The following CCNB1 variants were observed in gnomAD, a reference collection of about 807,000 sequenced individuals.
The protein encoded by CCNB1 is cyclin B1, also known as G2/mitotic-specific cyclin-B1.
A neutral mutation model predicts 44.4 loss-of-function variants in CCNB1; 26 were observed. The ratio of observed to expected loss-of-function variants is 0.59; its 90% confidence interval spans 0.43 to 0.81. The LOEUF is 0.81. CCNB1 is among the 40% of genes least tolerant of loss of function. The pLI, the probability that CCNB1 is intolerant of heterozygous loss-of-function variation, is 0.00. For synonymous variants in CCNB1, 195 were observed against 181.4 expected (o/e 1.08, Z -0.60); for missense variants, 477 against 520.9 (o/e 0.92, Z 0.82).
In CCNB1 at chr5:69,177,976, A is replaced by G. The variant is rs1747634837; in HGVS notation, c.*345A>G. On this transcript the variant is annotated 3_prime_UTR_variant, in exon 9 of 9. Transcript: ENST00000256442. ...TTTGAAAATTTTACTTCCATAGGAC[A>G]TACTGCATGTAAGCCAAGTCATGGA... 5.8e-6 allele frequency: 1 copy of G among 173,176 alleles called. No homozygotes were observed. Among genetic ancestry groups the G allele is most frequent in the Non-Finnish European group, 1.2e-5 (1 of 81,164 alleles). 10.7% of individuals were successfully genotyped at this position (173,176 alleles called of 1,614,324 possible). A position where few individuals can be genotyped will look rare whatever the true frequency, so the allele number is the denominator to read the frequency against.
intron 4 of CCNB1, among the ~76,000 whole-genome samples, chr5:69,173,153 G>T (rs1382988473): frequency 6.6e-6 from 1 of 152,134 alleles, no homozygotes; most frequent in African/African-American, 2.4e-5. Context: ...AGTGGCAGAG[G>T]AGCTGAGAAA....
At chr5:69,177,050 G>A in intron 7 of CCNB1, 189 bp from the exon 8 acceptor site, 1 of 439,732 alleles carries the variant, frequency 2.3e-6, no homozygotes, top group East Asian at 3.5e-5. Flanking sequence ...TTACAAAAGT[G>A]CAATTAGGTT....
chr5:69,167,741 T>A (rs534302796), intron 1 of CCNB1, among the ~76,000 whole-genome samples, 167 bp from the exon 2 acceptor site: 1 of 152,134 alleles, frequency 6.6e-6, no homozygotes. Context: ...CGGCGGAAAC[T>A]GACTTGTCAC....
At chr5:69,175,175 A>C (rs1747556334) in intron 6 of CCNB1, 62 bp downstream of exon 6, 2 of 1,268,430 alleles carry the variant, frequency 1.6e-6, no homozygotes, top group Non-Finnish European at 1.1e-6. Flanking sequence ...GCTGCTGACC[A>C]AGCACGTTGA....
chr5:69,170,984 A>G (rs1031056820), intron 3 of CCNB1, among the ~76,000 whole-genome samples: 3 of 151,910 alleles, frequency 2.0e-5, no homozygotes, highest in East Asian at 1.9e-4. Flanking sequence ...GGGTTTTGCT[A>G]TGTTGCCCAG....
chr5:69,169,680 T>G (rs1211376250), intron 3 of CCNB1, among the ~76,000 whole-genome samples: 2 of 151,840 alleles, frequency 1.3e-5, no homozygotes, highest in Non-Finnish European at 1.5e-5. Context: ...TGAGACAGAG[T>G]CTCACTCTGT....
chr5:69,167,186 G>A lies in CCNB1; in HGVS notation c.-77G>A, dbSNP rs575008829. On this transcript the variant is annotated 5_prime_UTR_variant, in exon 1 of 9. Coordinates refer to ENST00000256442, the MANE Select transcript of CCNB1 (RefSeq NM_031966.4). The stretch of plus-strand genomic sequence containing the variant: ...GCGGAACGGCTGTTGGTTTCTGCTG[G>A]GTGTAGGTCCTTGGCTGGTCGGGCC... The A allele has an allele frequency of 7.8e-7, 1 of 1,286,100 alleles. No individual in the cohort carries two copies. Among genetic ancestry groups the A allele is most frequent in the Non-Finnish European group, 1.1e-6 (1 of 940,246 alleles). The allele number at this position is 1,286,100 out of a possible 1,614,324, so 79.7% of individuals were successfully genotyped here. A position where few individuals can be genotyped will look rare whatever the true frequency, so the allele number is the denominator to read the frequency against.
chr5:69,167,969 C>T lies in CCNB1; in HGVS notation c.83C>T (p.Pro28Leu), dbSNP rs933588052. Residue 28 changes from proline to leucine, a missense_variant, in exon 2 of 9, where the codon CCT (proline) becomes CTT (leucine). Coordinates refer to ENST00000256442, the MANE Select transcript of CCNB1 (RefSeq NM_031966.4). Reference sequence around the variant, plus strand: ...AACATGGCAGGCGCAAAGCGCGTTCCTACGGCCCCTGCTGCAACCTCCAAG... The same window carrying T: ...AACATGGCAGGCGCAAAGCGCGTTCTTACGGCCCCTGCTGCAACCTCCAAG... ...KINMAGAKRV[P>L]TAPAATSKPG... The T allele has an allele frequency of 1.1e-5, 18 of 1,614,026 alleles. No individual in the cohort carries two copies. In the African/African-American group the frequency reaches 2.0e-4, roughly 18 times the overall value.
At chr5:69,175,374 C>G (rs1428741293) in intron 6 of CCNB1, 23 bp from the exon 7 acceptor site, 5 of 1,608,304 alleles carry the variant, frequency 3.1e-6, no homozygotes, top group African/African-American at 1.3e-5. Flanking sequence ...GAAAGAAACT[C>G]AGTAACATGG....
At position 69,174,018 on chromosome 5, in the gene CCNB1, T is replaced by C. The variant is rs367898952; in HGVS notation, c.547-233T>C. Among the ~76,000 whole-genome samples, 8 of 152,212 alleles carry C rather than the reference T, an allele frequency of 5.3e-5. No individual in the cohort carries two copies. In the South Asian group the frequency reaches 1.2e-3, roughly 24 times the overall value. On this transcript the variant is annotated intron_variant, in intron 4 of 8. Coordinates refer to ENST00000256442, the MANE Select transcript of CCNB1 (RefSeq NM_031966.4). ...TCCTGGCTGCAAGCAATCTGCCAAC[T>C]TCAGCCTCCCAAAGTGCTGGGATTA...
At chr5:69,168,477 C>G in intron 3 of CCNB1, 134 bp downstream of exon 3, 1 of 1,014,358 alleles carries the variant, frequency 9.9e-7, no homozygotes, top group Non-Finnish European at 1.5e-6. Context: ...GCAAGCTCTG[C>G]CTAACATTTT....
At chr5:69,173,349 G>GT (rs1747505649) in intron 4 of CCNB1, among the ~76,000 whole-genome samples, 1 of 152,136 alleles carries the variant, frequency 6.6e-6, no homozygotes, top group Admixed American at 6.5e-5. Flanking sequence ...GAATCAATGT[G>GT]TGGGTGGCTG....
chr5:69,167,724 T>C (rs1159220713), intron 1 of CCNB1, among the ~76,000 whole-genome samples, 184 bp from the exon 2 acceptor site: 1 of 152,138 alleles, frequency 6.6e-6, no homozygotes, highest in Non-Finnish European at 1.5e-5. Flanking sequence ...TTGGTAAATG[T>C]AGAGGTCGGC....
Position 69,177,382 on chromosome 5 carries a change from A to C in CCNB1, c.1194+33A>C, listed in dbSNP as rs759117490. The C allele has an allele frequency of 8.3e-6, 12 of 1,441,252 alleles. No individual in the cohort carries two copies. The African/African-American group carries it at 1.7e-4, about 20-fold the overall frequency. 89.3% of individuals were successfully genotyped at this position (1,441,252 alleles called of 1,614,324 possible). The stretch of plus-strand genomic sequence containing the variant: ...AATATAGTGGCATTGTAAGATGCTG[A>C]AAAGTGTAATAATTCAAACTTAATG... On this transcript the variant is annotated intron_variant, in intron 8 of 8. Coordinates refer to ENST00000256442, the MANE Select transcript of CCNB1 (RefSeq NM_031966.4).
chr5:69,170,933 G>A (rs1747444796), intron 3 of CCNB1, among the ~76,000 whole-genome samples: 1 of 151,924 alleles, frequency 6.6e-6, no homozygotes, highest in Admixed American at 6.6e-5. Context: ...CTTTTTAATT[G>A]AGGAATTAAA....
chr5:69,167,261 C>T lies in CCNB1; in HGVS notation c.-2C>T, dbSNP rs762564843. On this transcript the variant is annotated 5_prime_UTR_variant, in exon 1 of 9. Coordinates refer to ENST00000256442, the MANE Select transcript of CCNB1 (RefSeq NM_031966.4). ...GAGCTGCTGCCTGGTGAAGAGGAAG[C>T]CATGGCGCTCCGAGTCACCAGGGTG... 12 of 1,570,572 alleles carry T rather than the reference C, an allele frequency of 7.6e-6. No homozygotes were observed. Among genetic ancestry groups the T allele is most frequent in the Non-Finnish European group, 1.0e-5 (12 of 1,160,142 alleles).
At position 69,168,163 on chromosome 5, in the gene CCNB1, T is replaced by C; in HGVS notation, c.193-10T>C. The C allele has an allele frequency of 6.2e-7, 1 of 1,613,580 alleles. No homozygotes were observed. The highest frequency in any genetic ancestry group is 8.5e-7 in the Non-Finnish European group (1 of 1,179,666). On this transcript the variant is annotated splice_polypyrimidine_tract_variant and intron_variant, in intron 2 of 8. Coordinates refer to ENST00000256442, the MANE Select transcript of CCNB1 (RefSeq NM_031966.4). ...GCAGAAACATTTCATTCTCTCTGTT[T>C]CATCTACAGGAAGCAAAACCTTCAG...
intron 4 of CCNB1, among the ~76,000 whole-genome samples, chr5:69,171,721 A>G (rs1016222787): frequency 6.6e-6 from 1 of 152,184 alleles, no homozygotes; most frequent in Non-Finnish European, 1.5e-5. Flanking sequence ...TTTGATATGT[A>G]TATATGCGAT....
intron 4 of CCNB1, among the ~76,000 whole-genome samples, chr5:69,173,003 G>A (rs1018091392): frequency 4.6e-5 from 7 of 151,572 alleles, no homozygotes; most frequent in Admixed American, 1.3e-4. Flanking sequence ...TCAATCTCCT[G>A]ACCTCATGAT....
Sources: gnomAD v4.1 joint callset for allele counts (sites outside exome capture counted in the v4.1 genomes callset) on GRCh38, gnomAD v4.1.1 for gene constraint, MANE v1.5 for transcripts, NCBI Gene and HGNC (gene_info 2026-07-23, HGNC 2026-07-21) for gene names.